ERBB4: variants seen among roughly 807,000 people sequenced by gnomAD.
The protein encoded by ERBB4 is erb-b2 receptor tyrosine kinase 4.
ERBB4 carries 42 observed loss-of-function variants against 158.0 expected under a neutral mutation model. That is an observed-to-expected ratio of 0.27 (90% CI 0.21 to 0.34). The LOEUF is 0.34. Ranked by LOEUF, ERBB4 falls within the 10% of genes least tolerant of loss-of-function variation. ERBB4 has a pLI of 1.00. For missense variants in ERBB4, 1,333 were observed against 1,624.1 expected (o/e 0.82, Z 3.08); for synonymous variants, 583 against 558.7 (o/e 1.04, Z -0.61).
At chr2:211,695,415 T>A (rs1193565326) in intron 12 of ERBB4, among the ~76,000 whole-genome samples, 2 of 152,184 alleles carry the variant, frequency 1.3e-5, no homozygotes, top group African/African-American at 2.4e-5. Flanking sequence ...ATATTCCCCA[T>A]CACCAGATAT....
intron 1 of ERBB4, among the ~76,000 whole-genome samples, chr2:212,509,558 C>T (rs558850010): frequency 6.6e-6 from 1 of 151,766 alleles, no homozygotes; most frequent in Admixed American, 6.6e-5. Context: ...TAAGAATTAC[C>T]TGTAAATAAT....
intron 1 of ERBB4, among the ~76,000 whole-genome samples, chr2:212,199,018 A>G (rs552416295): frequency 3.0e-4 from 45 of 152,270 alleles, no homozygotes; most frequent in African/African-American, 1.1e-3. Flanking sequence ...TGCTCTTGAA[A>G]TAGAAGTGGA....
chr2:211,544,171 A>C (rs2066883622), intron 20 of ERBB4, among the ~76,000 whole-genome samples: 1 of 152,050 alleles, frequency 6.6e-6, no homozygotes, highest in African/African-American at 2.4e-5. Context: ...GAGGACAATT[A>C]CAAGAGCAGC....
chr2:211,957,184 CT>C (rs547427908), intron 2 of ERBB4, among the ~76,000 whole-genome samples: 13 of 152,102 alleles, frequency 8.5e-5, no homozygotes, highest in East Asian at 7.7e-4. Context: ...CAGAATGGGA[CT>C]GTATTTGGAG....
chr2:212,081,807 A>G (rs890590637), intron 2 of ERBB4, among the ~76,000 whole-genome samples: 1 of 152,106 alleles, frequency 6.6e-6, no homozygotes, highest in African/African-American at 2.4e-5. Context: ...AAGAATATGT[A>G]GGTACTTAAA....
chr2:212,403,964 T>A (rs1263002451), intron 1 of ERBB4, among the ~76,000 whole-genome samples: 1 of 152,038 alleles, frequency 6.6e-6, no homozygotes, highest in Non-Finnish European at 1.5e-5. Context: ...GCTCCTGACA[T>A]CTTCCTGAAG....
At chr2:211,829,965 G>A (rs1245287946) in intron 3 of ERBB4, among the ~76,000 whole-genome samples, 4 of 152,102 alleles carry the variant, frequency 2.6e-5, no homozygotes, top group Admixed American at 1.3e-4. Context: ...ACATTACTTG[G>A]AGTGAATATA....
At chr2:212,165,651 T>A (rs1002288267) in intron 1 of ERBB4, among the ~76,000 whole-genome samples, 1 of 152,066 alleles carries the variant, frequency 6.6e-6, no homozygotes, top group East Asian at 1.9e-4. Context: ...CGCATCTTTA[T>A]ACCATCAATG....
intron 1 of ERBB4, among the ~76,000 whole-genome samples, chr2:212,249,449 G>GCACATGTACCC (rs1482500431): frequency 4.7e-5 from 7 of 149,216 alleles, no homozygotes; most frequent in Admixed American, 6.6e-5. Context: ...GAAAAGATAG[G>GCACATGTACCC]TTGAAACATA....
intron 20 of ERBB4, among the ~76,000 whole-genome samples, chr2:211,524,354 T>C (rs935000195): frequency 6.6e-5 from 10 of 152,116 alleles, no homozygotes; most frequent in African/African-American, 2.2e-4. Flanking sequence ...TGGAGCTGCC[T>C]GCCAGTCCCA....
At chr2:211,824,483 G>A (rs1475614990) in intron 3 of ERBB4, among the ~76,000 whole-genome samples, 2 of 151,914 alleles carry the variant, frequency 1.3e-5, no homozygotes, top group Non-Finnish European at 2.9e-5. Context: ...TTTATAATGT[G>A]ATCTGTCCTG....
intron 3 of ERBB4, among the ~76,000 whole-genome samples, chr2:211,899,988 C>T (rs2079191522): frequency 6.6e-6 from 1 of 152,090 alleles, no homozygotes; most frequent in Non-Finnish European, 1.5e-5. Context: ...TTCTTGAGCA[C>T]CCCTCCTGTT....
chr2:212,354,230 GC>G (rs1372421022), intron 1 of ERBB4, among the ~76,000 whole-genome samples: 1 of 152,050 alleles, frequency 6.6e-6, no homozygotes, highest in Non-Finnish European at 1.5e-5. Context: ...CTGTCCCTAA[GC>G]AGCTTCATAC....
intron 1 of ERBB4, among the ~76,000 whole-genome samples, chr2:212,391,447 G>A (rs1371977695): frequency 6.6e-6 from 1 of 150,554 alleles, no homozygotes; most frequent in Non-Finnish European, 1.5e-5. Context: ...AATAAATTAT[G>A]TTCTCTCATC....
chr2:211,604,364 C>T (rs1314711677), intron 19 of ERBB4, among the ~76,000 whole-genome samples: 2 of 152,158 alleles, frequency 1.3e-5, no homozygotes, highest in African/African-American at 4.8e-5. Context: ...ATTTAAATTT[C>T]ACCTTGAAAT....
chr2:212,174,103 A>G (rs1042899639), intron 1 of ERBB4, among the ~76,000 whole-genome samples: 11 of 152,108 alleles, frequency 7.2e-5, no homozygotes, highest in African/African-American at 2.7e-4. Flanking sequence ...AGGTACATAT[A>G]AAAATTAGAG....
intron 1 of ERBB4, among the ~76,000 whole-genome samples, chr2:212,487,261 T>C (rs1445665815): frequency 2.0e-5 from 3 of 152,070 alleles, no homozygotes; most frequent in Non-Finnish European, 4.4e-5. Context: ...ATAAAACATG[T>C]CCTAATTATA....
intron 3 of ERBB4, among the ~76,000 whole-genome samples, chr2:211,923,596 G>T (rs892483911): frequency 4.6e-5 from 7 of 152,064 alleles, no homozygotes; most frequent in African/African-American, 1.4e-4. Context: ...AAAATGAAAA[G>T]GTTCAAGTAG....
chr2:212,108,056 A>G (rs2079285259), intron 2 of ERBB4, among the ~76,000 whole-genome samples: 1 of 152,210 alleles, frequency 6.6e-6, no homozygotes, highest in African/African-American at 2.4e-5. Context: ...AAACTCAGAG[A>G]GTTAAATAAA....
Sources: allele counts gnomAD v4.1 joint callset (sites outside exome capture counted in the v4.1 genomes callset), GRCh38; gene constraint gnomAD v4.1.1; transcripts MANE v1.5; gene names NCBI Gene and HGNC (gene_info 2026-07-23, HGNC 2026-07-21).